The following RAB3GAP1 variants were observed in gnomAD, a reference collection of about 807,000 sequenced individuals.
The protein encoded by RAB3GAP1 is rab3 GTPase-activating protein catalytic subunit.
RAB3GAP1 carries 86 observed loss-of-function variants against 130.7 expected under a neutral mutation model. The observed-to-expected ratio is 0.66, with a 90% CI of 0.55 to 0.79. RAB3GAP1 has a LOEUF of 0.79. Ranked by LOEUF, RAB3GAP1 falls within the 30% of genes least tolerant of loss-of-function variation. The pLI, the probability that RAB3GAP1 is intolerant of heterozygous loss-of-function variation, is 0.00. For synonymous variants in RAB3GAP1, 367 were observed against 401.7 expected, an observed-to-expected ratio of 0.91 and a Z score of 1.03; for missense variants, 1,029 against 1,169.4, an observed-to-expected ratio of 0.88 and a Z score of 1.75.
chr2:135,130,810 T>C, intron 13 of RAB3GAP1, 89 bp downstream of exon 13: 7 of 1,236,814 alleles, frequency 5.7e-6, no homozygotes, highest in South Asian at 2.5e-5. Flanking sequence ...GGCAGTGACC[T>C]TGGAATATAC....
chr2:135,067,319 A>G (rs1314932154), intron 3 of RAB3GAP1, among the ~76,000 whole-genome samples: 1 of 152,214 alleles, frequency 6.6e-6, no homozygotes, highest in Non-Finnish European at 1.5e-5. Context: ...CAGAAGCAAC[A>G]TTGAGCTACT....
chr2:135,138,608 G>T (rs1691746339), intron 17 of RAB3GAP1, among the ~76,000 whole-genome samples: 1 of 151,186 alleles, frequency 6.6e-6, no homozygotes, highest in Admixed American at 6.6e-5. Context: ...ATGGTTTTAT[G>T]GATTTTTTTT....
intron 3 of RAB3GAP1, among the ~76,000 whole-genome samples, chr2:135,083,774 T>TG (rs1276524203): frequency 1.4e-4 from 21 of 149,650 alleles, no homozygotes; most frequent in African/African-American, 3.7e-4. Flanking sequence ...ACGGTTTTTT[T>TG]TTTTTTTTTT....
In RAB3GAP1 at chr2:135,168,891, G is replaced by C; in HGVS notation, c.*110G>C. 2 of 927,032 alleles carry C rather than the reference G, an allele frequency of 2.2e-6. No homozygotes were observed. Among genetic ancestry groups the C allele is most frequent in the Non-Finnish European group, 1.8e-6 (1 of 564,840 alleles). 57.4% of individuals were successfully genotyped at this position (927,032 alleles called of 1,614,324 possible). ...GTCCTGGAGAGGGCCCTGTCCAGTTGGGTGATCAGGAATCAAACCAGCATC... is the reference window on the plus strand; with the variant it reads ...GTCCTGGAGAGGGCCCTGTCCAGTTCGGTGATCAGGAATCAAACCAGCATC... On this transcript the variant is annotated 3_prime_UTR_variant, in exon 24 of 24. Transcript: ENST00000264158.
At chr2:135,148,491 C>CTT (rs571757000) in intron 17 of RAB3GAP1, among the ~76,000 whole-genome samples, 7 of 108,114 alleles carry the variant, frequency 6.5e-5, no homozygotes, top group South Asian at 6.7e-4. Context: ...GCTAGTAATT[C>CTT]TTTTTTTTTT....
rs1255644564 is a variant in RAB3GAP1, at chr2:135,079,803, CA to C, written c.151-11194del. On this transcript the variant is annotated intron_variant, in intron 3 of 23. Coordinates refer to ENST00000264158, the MANE Select transcript of RAB3GAP1 (RefSeq NM_012233.3). The stretch of plus-strand genomic sequence containing the variant: ...CACTTAATAGTTTGGTAACCTGGGA[CA>C]GGTTTTTCAGTCTCTTAACTTTTCT... Among the ~76,000 whole-genome samples the C allele has an allele frequency of 5.3e-5, 8 of 152,312 alleles. No homozygotes were observed. The East Asian group carries it at 1.5e-3, about 29-fold the overall frequency.
chr2:135,106,497 G>A (rs1690624530), intron 5 of RAB3GAP1, among the ~76,000 whole-genome samples: 1 of 152,128 alleles, frequency 6.6e-6, no homozygotes, highest in African/African-American at 2.4e-5. Context: ...TCCACTCAGG[G>A]TTAAATGGAT....
intron 7 of RAB3GAP1, 98 bp from the exon 8 acceptor site, chr2:135,120,721 A>G: frequency 3.5e-6 from 3 of 857,216 alleles, no homozygotes; most frequent in South Asian, 1.3e-5. Context: ...TCATAAAGGT[A>G]GTATTAATCC....
intron 23 of RAB3GAP1, chr2:135,165,288 G>A (rs1279711043): frequency 5.2e-6 from 2 of 386,280 alleles, no homozygotes; most frequent in South Asian, 2.0e-5. Context: ...AAATTATATT[G>A]TATCTTGGTT....
At chr2:135,172,830 G>A (rs1287964602), downstream of RAB3GAP1, among the ~76,000 whole-genome samples, 1 of 152,192 alleles carries the variant, frequency 6.6e-6, no homozygotes, top group East Asian at 1.9e-4. Context: ...CACACCCTGT[G>A]AAGTCCCCCA....
rs2104813035 is a variant in RAB3GAP1, at chr2:135,052,301, C to T, written c.-7C>T. On this transcript the variant is annotated 5_prime_UTR_variant, in exon 1 of 24. Coordinates refer to ENST00000264158, the MANE Select transcript of RAB3GAP1 (RefSeq NM_012233.3). ...CAGCCTTAGCGCCAGGCCCGGCGCT[C>T]CTCAAGATGGCTGCCGACAGTGAGG... is the stretch of plus-strand genomic sequence containing the variant. 6.2e-7 allele frequency: 1 copy of T among 1,613,572 alleles called. No individual in the cohort carries two copies. The highest frequency in any genetic ancestry group is 8.5e-7 in the Non-Finnish European group (1 of 1,180,034).
intron 2 of RAB3GAP1, among the ~76,000 whole-genome samples, chr2:135,056,059 ATC>A (rs1001352914): frequency 6.7e-6 from 1 of 149,658 alleles, no homozygotes; most frequent in African/African-American, 2.5e-5. Context: ...GATGGTCTCG[ATC>A]TCCTGACCTC....
intron 13 of RAB3GAP1, among the ~76,000 whole-genome samples, chr2:135,131,777 A>G (rs891507743): frequency 4.3e-4 from 66 of 152,334 alleles, no homozygotes; most frequent in African/African-American, 1.6e-3. Context: ...TGTTGTGAGG[A>G]TTAAAGGATC....
intron 3 of RAB3GAP1, among the ~76,000 whole-genome samples, chr2:135,084,910 CAA>C (rs1413217380): frequency 6.6e-6 from 1 of 152,074 alleles, no homozygotes; most frequent in Non-Finnish European, 1.5e-5. Context: ...TGAAAATAAT[CAA>C]AGGCAGATTT....
At chr2:135,137,294 T>G in intron 17 of RAB3GAP1, 1 of 294,070 alleles carries the variant, frequency 3.4e-6, no homozygotes, top group East Asian at 9.8e-5. Context: ...ATCTGTACTA[T>G]TCTTGAGTAT....
chr2:135,078,122 A>G (rs1689682805), intron 3 of RAB3GAP1, among the ~76,000 whole-genome samples: 2 of 152,092 alleles, frequency 1.3e-5, no homozygotes, highest in Admixed American at 6.5e-5. Flanking sequence ...GCAAATTCAG[A>G]TGTTATGAAG....
chr2:135,084,692 G>T (rs1262336285), intron 3 of RAB3GAP1, among the ~76,000 whole-genome samples: 1 of 152,020 alleles, frequency 6.6e-6, no homozygotes, highest in African/African-American at 2.4e-5. Context: ...GGAAGTTACA[G>T]GGGTTATTAT....
chr2:135,158,093 T>G (rs1692365755), intron 19 of RAB3GAP1, among the ~76,000 whole-genome samples: 1 of 151,798 alleles, frequency 6.6e-6, no homozygotes, highest in South Asian at 2.1e-4. Context: ...GACTTACGAG[T>G]TTTTAAAATA....
Position 135,168,895 on chromosome 2 carries a change from G to C in RAB3GAP1, c.*114G>C, listed in dbSNP as rs1266187685. On this transcript the variant is annotated 3_prime_UTR_variant, in exon 24 of 24. Transcript: ENST00000264158. ...TGGAGAGGGCCCTGTCCAGTTGGGT[G>C]ATCAGGAATCAAACCAGCATCGGAA... The C allele has an allele frequency of 2.5e-5, 23 of 909,624 alleles. No homozygotes were observed. The East Asian group carries it at 5.5e-4, about 22-fold the overall frequency. The allele number at this position is 909,624 out of a possible 1,614,324, so 56.3% of individuals were successfully genotyped here.
Sources: allele counts gnomAD v4.1 joint callset (sites outside exome capture counted in the v4.1 genomes callset), GRCh38; gene constraint gnomAD v4.1.1; transcripts MANE v1.5; gene names NCBI Gene and HGNC (gene_info 2026-07-23, HGNC 2026-07-21).